Variants in PTPRM observed in about 807,000 individuals in gnomAD.
PTPRM encodes the protein protein tyrosine phosphatase receptor type M.
PTPRM carries 47 observed loss-of-function variants against 186.7 expected under a neutral mutation model. The observed-to-expected ratio is 0.25, with a 90% CI of 0.20 to 0.32. The LOEUF is 0.32. Ranked by LOEUF, PTPRM falls within the 10% of genes least tolerant of loss-of-function variation. The pLI, the probability that PTPRM is intolerant of heterozygous loss-of-function variation, is 1.00. For missense variants in PTPRM, 1,494 were observed against 1,865.0 expected, an observed-to-expected ratio of 0.80 and a Z score of 3.66; for synonymous variants, 668 against 674.9, an observed-to-expected ratio of 0.99 and a Z score of 0.16.
chr18:7,615,757 T>C (rs1375349690), intron 1 of PTPRM, among the ~76,000 whole-genome samples: 1 of 152,150 alleles, frequency 6.6e-6, no homozygotes, highest in East Asian at 1.9e-4. Flanking sequence ...ATTGTGCCCT[T>C]TATTCCTATT....
intron 14 of PTPRM, among the ~76,000 whole-genome samples, chr18:8,191,211 A>G (rs73391925): frequency 0.039 from 5,904 of 152,282 alleles, 376 homozygotes; most frequent in African/African-American, 0.13. Flanking sequence ...TGAGCCACCT[A>G]TGGCCTCAGC....
chr18:8,087,669 GT>G (rs2145306912), intron 10 of PTPRM, among the ~76,000 whole-genome samples: 1 of 152,182 alleles, frequency 6.6e-6, no homozygotes, highest in South Asian at 2.1e-4. Flanking sequence ...TTAATTCTAT[GT>G]TATGAATTGG....
intron 1 of PTPRM, among the ~76,000 whole-genome samples, chr18:7,599,927 A>T (rs2037357928): frequency 6.6e-6 from 1 of 152,082 alleles, no homozygotes; most frequent in African/African-American, 2.4e-5. Context: ...TGCTCCTGGG[A>T]TCTTCTACAT....
intron 1 of PTPRM, among the ~76,000 whole-genome samples, chr18:7,589,625 A>T (rs1461328493): frequency 6.6e-6 from 1 of 152,174 alleles, no homozygotes; most frequent in Non-Finnish European, 1.5e-5. Context: ...TAGTAACTCA[A>T]TTCTGGTCTT....
In PTPRM at chr18:7,911,856, T is replaced by TTTA. The variant is rs1279788961; in HGVS notation, c.547+5275_547+5276insATT. ...AGTTTTATGGTTTCAATTTTTTTTTTTTTTTTTTTTTTTTGAGATGGAGTC... is the reference window on the plus strand; with the variant it reads ...AGTTTTATGGTTTCAATTTTTTTTTTTTATTTTTTTTTTTTTTGAGATGGAGTC... On this transcript the variant is annotated intron_variant, in intron 4 of 32. Transcript: ENST00000580170. Among the ~76,000 whole-genome samples the TTTA allele has an allele frequency of 4.7e-4, 65 of 139,568 alleles. 2 individuals carry two copies. Among genetic ancestry groups the TTTA allele is most frequent in the African/African-American group, 1.8e-3 (64 of 36,442 alleles). 91.6% of individuals were successfully genotyped at this position (139,568 alleles called of 152,430 possible).
At chr18:7,904,939 G>A (rs996582450) in intron 3 of PTPRM, among the ~76,000 whole-genome samples, 2 of 152,098 alleles carry the variant, frequency 1.3e-5, no homozygotes, top group Non-Finnish European at 2.9e-5. Context: ...CAATTAATCA[G>A]ATTAAGAAAA....
chr18:8,373,212 G>A (rs971804079), intron 24 of PTPRM, among the ~76,000 whole-genome samples: 1 of 152,192 alleles, frequency 6.6e-6, no homozygotes, highest in Non-Finnish European at 1.5e-5. Context: ...CATTAGAAAG[G>A]AAAGAAGAGA....
chr18:8,047,558 C>T (rs1265539158), intron 7 of PTPRM, among the ~76,000 whole-genome samples: 2 of 152,094 alleles, frequency 1.3e-5, no homozygotes, highest in South Asian at 2.1e-4. Flanking sequence ...ATTAGTAATA[C>T]AGTATATGTG....
chr18:7,905,504 G>T (rs140662208), intron 3 of PTPRM, among the ~76,000 whole-genome samples: 28 of 152,244 alleles, frequency 1.8e-4, no homozygotes, highest in Non-Finnish European at 3.7e-4. Context: ...CTGATTTTCA[G>T]TTAGCATATT....
intron 7 of PTPRM, among the ~76,000 whole-genome samples, chr18:8,061,513 G>A (rs1286751545): frequency 2.1e-5 from 2 of 94,800 alleles, no homozygotes; most frequent in Admixed American, 1.0e-4. Flanking sequence ...ATGTTAGCTG[G>A]TTATTTTGCT....
intron 7 of PTPRM, among the ~76,000 whole-genome samples, chr18:8,046,631 C>T (rs548819961): frequency 1.3e-5 from 2 of 152,246 alleles, no homozygotes; most frequent in South Asian, 4.1e-4. Flanking sequence ...CTGGGTCCTC[C>T]TTGATGTGGT....
intron 11 of PTPRM, among the ~76,000 whole-genome samples, chr18:8,090,235 A>G (rs994451452): frequency 6.6e-6 from 1 of 152,122 alleles, no homozygotes; most frequent in Non-Finnish European, 1.5e-5. Context: ...TTGACTTTAA[A>G]AGCTGAAATT....
intron 7 of PTPRM, among the ~76,000 whole-genome samples, chr18:8,025,358 T>C (rs2085504060): frequency 6.6e-6 from 1 of 152,208 alleles, no homozygotes; most frequent in Non-Finnish European, 1.5e-5. Context: ...ACATTCCTGC[T>C]GCTCTTCTTT....
At chr18:8,002,427 G>C (rs1294113443) in intron 7 of PTPRM, among the ~76,000 whole-genome samples, 1 of 152,182 alleles carries the variant, frequency 6.6e-6, no homozygotes, top group Non-Finnish European at 1.5e-5. Flanking sequence ...CAAAGCAAAA[G>C]TCAGAACCAC....
At chr18:8,109,670 A>G (rs981668627) in intron 11 of PTPRM, among the ~76,000 whole-genome samples, 1 of 152,206 alleles carries the variant, frequency 6.6e-6, no homozygotes, top group Non-Finnish European at 1.5e-5. Flanking sequence ...AAAATTTTGT[A>G]TCATTAGAGA....
chr18:8,394,638 A>T, intron 32 of PTPRM, 27 bp downstream of exon 32: 1 of 1,578,466 alleles, frequency 6.3e-7, no homozygotes, highest in African/African-American at 1.4e-5. Context: ...GAGCTGTTCC[A>T]TGAGACACCC....
At chr18:7,715,593 T>C (rs1207381122) in intron 1 of PTPRM, among the ~76,000 whole-genome samples, 4 of 152,206 alleles carry the variant, frequency 2.6e-5, no homozygotes, top group Non-Finnish European at 4.4e-5. Flanking sequence ...GACATGATTG[T>C]ATATTTAGAA....
At chr18:7,785,034 G>A (rs980986282) in intron 2 of PTPRM, among the ~76,000 whole-genome samples, 1 of 152,162 alleles carries the variant, frequency 6.6e-6, no homozygotes, top group Non-Finnish European at 1.5e-5. Context: ...GACATCCTGT[G>A]TAAAGGCAGT....
chr18:7,806,712 C>CGAA (rs2044255533), intron 2 of PTPRM, among the ~76,000 whole-genome samples: 1 of 152,104 alleles, frequency 6.6e-6, no homozygotes, highest in African/African-American at 2.4e-5. Context: ...ATTTATTTTC[C>CGAA]CCCTTTCTCT....
Sources: allele counts gnomAD v4.1 joint callset (sites outside exome capture counted in the v4.1 genomes callset), GRCh38; gene constraint gnomAD v4.1.1; transcripts MANE v1.5; gene names NCBI Gene and HGNC (gene_info 2026-07-23, HGNC 2026-07-21).